Variants in TNFSF4 observed in about 807,000 individuals in gnomAD.
TNFSF4 encodes TNF superfamily member 4, also known as tumor necrosis factor ligand superfamily member 4.
TNFSF4 carries 4 observed loss-of-function variants against 7.3 expected under a neutral mutation model. The ratio of observed to expected loss-of-function variants is 0.55; its 90% CI spans 0.27 to 1.25. The LOEUF is 1.25. TNFSF4 is among the 50% of genes most tolerant of loss of function. TNFSF4 has a pLI of 0.12. For missense variants in TNFSF4, 181 were observed against 208.8 expected (o/e 0.87, Z 0.82); for synonymous variants, 76 against 83.7 (o/e 0.91, Z 0.50).
chr1:173,176,096 A>G, the TNFSF4 span, among the ~76,000 whole-genome samples: 2 of 152,210 alleles, frequency 1.3e-5, no homozygotes, highest in Non-Finnish European at 2.9e-5. Context: ...CTGTGTATCA[A>G]AAAGTTGTGG....
chr1:173,361,434 A>C, the TNFSF4 span, among the ~76,000 whole-genome samples: 95,851 of 151,672 alleles, frequency 0.63, 30,450 homozygotes, highest in Admixed American at 0.69. Context: ...CCCCATCTCT[A>C]CTAAAAATAC....
At chr1:173,303,468 A>T in the TNFSF4 span, among the ~76,000 whole-genome samples, 1 of 151,840 alleles carries the variant, frequency 6.6e-6, no homozygotes, top group Non-Finnish European at 1.5e-5. Flanking sequence ...TTCCGTAGTT[A>T]GAAGAGGTTT....
the TNFSF4 span, chr1:173,363,583 T>C: frequency 2.0e-6 from 1 of 498,796 alleles, no homozygotes; most frequent in African/African-American, 2.0e-5. Flanking sequence ...AAGTGTAGGC[T>C]TATTTGGGGA....
chr1:173,356,192 A>C, the TNFSF4 span, among the ~76,000 whole-genome samples: 1 of 152,218 alleles, frequency 6.6e-6, no homozygotes, highest in Non-Finnish European at 1.5e-5. Context: ...AAGGCAACCT[A>C]TTCCAGGACA....
At chr1:173,393,105 G>A in the TNFSF4 span, among the ~76,000 whole-genome samples, 1 of 152,146 alleles carries the variant, frequency 6.6e-6, no homozygotes, top group East Asian at 1.9e-4. Context: ...GAATGGAAGG[G>A]CTGAATAGCC....
At chr1:173,206,602 T>C (rs1291329018) in intron 1 of TNFSF4, among the ~76,000 whole-genome samples, 2 of 152,212 alleles carry the variant, frequency 1.3e-5, no homozygotes, top group Non-Finnish European at 2.9e-5. Context: ...TGCAGGTCTA[T>C]AGGGTATATG....
the TNFSF4 span, among the ~76,000 whole-genome samples, chr1:173,375,281 C>A: frequency 5.9e-5 from 9 of 152,330 alleles, no homozygotes; most frequent in Non-Finnish European, 1.3e-4. Flanking sequence ...CCCACTGACC[C>A]TTTGACTGGC....
the TNFSF4 span, among the ~76,000 whole-genome samples, chr1:173,327,849 G>A: frequency 1.3e-5 from 2 of 151,684 alleles, no homozygotes; most frequent in Admixed American, 6.6e-5. Flanking sequence ...AAAAGTCAGG[G>A]AACAACAGGT....
chr1:173,351,917 C>A, the TNFSF4 span: 2 of 542,284 alleles, frequency 3.7e-6, no homozygotes, highest in Non-Finnish European at 3.4e-6. Context: ...ACAAAGACCG[C>A]AAAAAGATCC....
At chr1:173,364,278 CA>C in the TNFSF4 span, among the ~76,000 whole-genome samples, 2 of 142,266 alleles carry the variant, frequency 1.4e-5, no homozygotes, top group Non-Finnish European at 3.0e-5. Context: ...ACATATTGTT[CA>C]AAAAAATAAA....
the TNFSF4 span, among the ~76,000 whole-genome samples, chr1:173,264,078 G>T: frequency 6.6e-6 from 1 of 152,094 alleles, no homozygotes; most frequent in African/African-American, 2.4e-5. Flanking sequence ...AAACCCCAAT[G>T]ATACAAATTT....
At chr1:173,285,036 G>C in the TNFSF4 span, among the ~76,000 whole-genome samples, 1 of 152,170 alleles carries the variant, frequency 6.6e-6, no homozygotes, top group African/African-American at 2.4e-5. Context: ...TCTGGGCAAA[G>C]TCCATTGAAA....
At chr1:173,242,489 G>T in the TNFSF4 span, among the ~76,000 whole-genome samples, 1 of 152,298 alleles carries the variant, frequency 6.6e-6, no homozygotes, top group East Asian at 1.9e-4. Context: ...GTAGCACTGA[G>T]ATCAGAGAAG....
At chr1:173,390,737 C>CTTTTTTTTTTTTTTTTTTTTTTTTTT in the TNFSF4 span, among the ~76,000 whole-genome samples, 1 of 131,604 alleles carries the variant, frequency 7.6e-6, no homozygotes, top group Non-Finnish European at 1.6e-5. Context: ...CATTCTGCTT[C>CTTTTTTTTTTTTTTTTTTTTTTTTTT]TTTTTTTTTT....
chr1:173,328,146 C>A, the TNFSF4 span, among the ~76,000 whole-genome samples: 2 of 152,134 alleles, frequency 1.3e-5, no homozygotes, highest in Non-Finnish European at 2.9e-5. Flanking sequence ...AAATATGGCA[C>A]ATATACACCA....
the TNFSF4 span, among the ~76,000 whole-genome samples, chr1:173,270,375 A>G: frequency 6.6e-6 from 1 of 152,108 alleles, no homozygotes; most frequent in Admixed American, 6.5e-5. Context: ...CTAGGCAATG[A>G]CTGTACATAG....
chr1:173,235,697 C>G, the TNFSF4 span, among the ~76,000 whole-genome samples: 1 of 152,194 alleles, frequency 6.6e-6, no homozygotes, highest in South Asian at 2.1e-4. Context: ...TTCTCTATCA[C>G]TTTTATGAGG....
the TNFSF4 span, among the ~76,000 whole-genome samples, chr1:173,381,118 A>G: frequency 6.6e-6 from 1 of 152,174 alleles, no homozygotes; most frequent in Non-Finnish European, 1.5e-5. Flanking sequence ...CTACTTAATT[A>G]TCCTACTACC....
the TNFSF4 span, among the ~76,000 whole-genome samples, chr1:173,297,965 A>C: frequency 6.6e-6 from 1 of 151,926 alleles, no homozygotes; most frequent in Non-Finnish European, 1.5e-5. Flanking sequence ...GAAAAAGCTG[A>C]GAATTCAAAG....
Sources: allele counts gnomAD v4.1 joint callset (sites outside exome capture counted in the v4.1 genomes callset), GRCh38; gene constraint gnomAD v4.1.1; transcripts MANE v1.5; gene names NCBI Gene and HGNC (gene_info 2026-07-23, HGNC 2026-07-21).